Variants in ZNF431 observed in about 807,000 individuals in gnomAD.
ZNF431 encodes the protein zinc finger protein 431.
Under a neutral mutation model 57.0 loss-of-function variants are expected in ZNF431, and 34 were observed. The ratio of observed to expected loss-of-function variants is 0.60; its 90% CI spans 0.45 to 0.79. The LOEUF (loss-of-function observed/expected upper bound fraction) is 0.79. Among genes scored for constraint, ZNF431 ranks in the 30% least tolerant of loss-of-function variants. The probability of loss-of-function intolerance (pLI) is 0.00; values close to 1 mark genes in which losing one functional copy is unlikely to be tolerated. For synonymous variants in ZNF431, 207 were observed against 220.3 expected (o/e 0.94, Z 0.54); for missense variants, 607 against 667.1 (o/e 0.91, Z 0.99).
At chr19:21,142,258 G>A (rs939118634) in intron 1 of ZNF431, 72 bp downstream of exon 1, 2 of 1,605,746 alleles carry the variant, frequency 1.2e-6, no homozygotes, top group Non-Finnish European at 1.7e-6. Context: ...TGGCTGTGGC[G>A]GGACTCAGGC....
chr19:21,169,674 G>A, intron 4 of ZNF431: 1 of 396,510 alleles, frequency 2.5e-6, no homozygotes, highest in Middle Eastern at 6.3e-4. Flanking sequence ...TTGATCTGTA[G>A]GGCAGATACC....
At chr19:21,162,315 A>G (rs975656592) in intron 2 of ZNF431, among the ~76,000 whole-genome samples, 6 of 152,130 alleles carry the variant, frequency 3.9e-5, no homozygotes, top group African/African-American at 1.4e-4. Flanking sequence ...CTGGGATTAC[A>G]GGCACCTGCC....
intron 4 of ZNF431, among the ~76,000 whole-genome samples, chr19:21,178,433 GGC>G (rs1971118288): frequency 6.6e-6 from 1 of 151,958 alleles, no homozygotes; most frequent in Non-Finnish European, 1.5e-5. Flanking sequence ...CTTTTATATC[GGC>G]TATGGGTTTG....
chr19:21,158,110 A>G (rs1365773223), intron 2 of ZNF431, among the ~76,000 whole-genome samples: 1 of 152,124 alleles, frequency 6.6e-6, no homozygotes, highest in East Asian at 1.9e-4. Context: ...AAATTGGTAA[A>G]TGTCTTTGGG....
chr19:21,171,446 C>G lies in ZNF431; in HGVS notation c.319+3780C>G, dbSNP rs551144510. Among the ~76,000 whole-genome samples the G allele has an allele frequency of 8.9e-4, 135 of 151,906 alleles. No individual in the cohort carries two copies. In the Middle Eastern group the frequency reaches 0.01, roughly 11 times the overall value. On this transcript the variant is annotated intron_variant, in intron 4 of 4. Transcript: ENST00000311048. ...TTTAGTTTTTCTTATATAATTTTAG[C>G]CAATTTGCAATTCTGTTTGTATACT...
In ZNF431 at chr19:21,182,694, C is replaced by T. The variant is rs769809322; in HGVS notation, c.391C>T (p.Leu131=). 1.9e-6 allele frequency: 3 copies of T among 1,613,770 alleles called. No homozygotes were observed. Among genetic ancestry groups the T allele is most frequent in the Middle Eastern group, 1.7e-4 (1 of 6,058 alleles). The change falls in exon 5 of 5, where the codon CTG becomes TTG. Residue 131 remains leucine, a synonymous_variant. Coordinates refer to ENST00000311048, the MANE Select transcript of ZNF431 (RefSeq NM_133473.4). ...DIKDSFQQVI[L]RRYGKCEHEN... ...AAAAGATTCTTTTCAACAAGTAATA[C>T]TGAGAAGATATGGCAAATGTGAACA...
At chr19:21,175,500 T>C (rs566613795) in intron 4 of ZNF431, 142 of 691,988 alleles carry the variant, frequency 2.1e-4, no homozygotes, top group Admixed American at 6.4e-4. Context: ...AAATGTGTGC[T>C]GTGGTGGTTT....
rs1450099949 is a variant in ZNF431, at chr19:21,182,672, A to C, written c.369A>C (p.Lys123Asn). 1 of 1,612,816 alleles carries C rather than the reference A, an allele frequency of 6.2e-7. No individual in the cohort carries two copies. The highest frequency in any genetic ancestry group is 2.2e-5 in the East Asian group (1 of 44,814). ...ACCTTTGGCCAGAGCAAGACATAAA[A>C]GATTCTTTTCAACAAGTAATACTGA... Reference protein sequence around the residue: ...TKDLWPEQDIKDSFQQVILRR... With the variant: ...TKDLWPEQDINDSFQQVILRR... The change falls in exon 5 of 5, where the codon AAA (lysine) becomes AAC (asparagine). Residue 123 changes from lysine (K) to asparagine (N), a missense_variant. Physicochemically the swap from Lys to Asn is moderately conservative, Grantham distance 94 (BLOSUM62 0). Transcript: ENST00000311048.
At chr19:21,180,604 G>A (rs1451241104) in intron 4 of ZNF431, among the ~76,000 whole-genome samples, 1 of 151,890 alleles carries the variant, frequency 6.6e-6, no homozygotes, top group African/African-American at 2.4e-5. Context: ...GTTACCTTGG[G>A]GATTATATAA....
chr19:21,158,126 T>A (rs967966392), intron 2 of ZNF431, among the ~76,000 whole-genome samples: 1 of 152,164 alleles, frequency 6.6e-6, no homozygotes, highest in Non-Finnish European at 1.5e-5. Context: ...TTGGGCAGTT[T>A]GGCCATTTTA....
chr19:21,182,513 T>C (rs191648191), intron 4 of ZNF431, 110 bp from the exon 5 acceptor site: 1 of 1,243,384 alleles, frequency 8.0e-7, no homozygotes, highest in African/African-American at 1.5e-5. Flanking sequence ...GCCTATGGTA[T>C]TTTATTATGG....
At chr19:21,175,560 C>T (rs1407681184) in intron 4 of ZNF431, 7 of 569,888 alleles carry the variant, frequency 1.2e-5, no homozygotes, top group South Asian at 2.3e-5. Flanking sequence ...CATGCATTAG[C>T]TATTTATCCT....
At position 21,186,385 on chromosome 19, in the gene ZNF431, G is replaced by T. The variant is rs572050590; in HGVS notation, c.*2351G>T. On this transcript the variant is annotated 3_prime_UTR_variant, in exon 5 of 5. Coordinates refer to ENST00000311048, the MANE Select transcript of ZNF431 (RefSeq NM_133473.4). Reference sequence around the variant, plus strand: ...GACTTTTAGTTTTGATTCATATAGAGTTAAATACATGTTAGTCTAAAGACA... The same window carrying T: ...GACTTTTAGTTTTGATTCATATAGATTTAAATACATGTTAGTCTAAAGACA... 7.2e-5 allele frequency: 11 copies of T among 152,298 alleles called. No homozygotes were observed. The South Asian group carries it at 2.3e-3, about 32-fold the overall frequency. The allele number at this position is 152,298 out of a possible 1,614,324, so 9.4% of individuals were successfully genotyped here.
intron 4 of ZNF431, among the ~76,000 whole-genome samples, chr19:21,178,406 T>C (rs1458498284): frequency 6.6e-6 from 1 of 152,192 alleles, no homozygotes; most frequent in African/African-American, 2.4e-5. Flanking sequence ...TCAAGGGGAA[T>C]GCTTCCAGCT....
Position 21,158,068 on chromosome 19 carries a change from C to T in ZNF431, c.97-8267C>T, listed in dbSNP as rs573576346. 3.3e-5 allele frequency among the ~76,000 whole-genome samples: 5 copies of T among 152,064 alleles called. No homozygotes were observed. The South Asian group carries it at 6.2e-4, about 19-fold the overall frequency. ...TTTAAAATAGTTATTTTTTAGTTAACAGCGTTTTGGTAGTTTGATACAAAT... is the reference window on the plus strand; with the variant it reads ...TTTAAAATAGTTATTTTTTAGTTAATAGCGTTTTGGTAGTTTGATACAAAT... On this transcript the variant is annotated intron_variant, in intron 2 of 4. Transcript: ENST00000311048.
chr19:21,159,249 A>G (rs1378326116), intron 2 of ZNF431, among the ~76,000 whole-genome samples: 3 of 152,148 alleles, frequency 2.0e-5, no homozygotes, highest in African/African-American at 7.2e-5. Context: ...TTCAGTGTTC[A>G]TCAAGGATAT....
At position 21,189,481 on chromosome 19, in the gene ZNF431, A is replaced by G. The variant is rs1169185919; in HGVS notation, c.*5447A>G. 2 of 153,390 alleles carry G rather than the reference A, an allele frequency of 1.3e-5. No homozygotes were observed. Among genetic ancestry groups the G allele is most frequent in the African/African-American group, 4.8e-5 (2 of 41,456 alleles). The allele number at this position is 153,390 out of a possible 1,614,324, so 9.5% of individuals were successfully genotyped here. A position where few individuals can be genotyped will look rare whatever the true frequency, so the allele number is the denominator to read the frequency against. ...CTGGGGGACAGAGTGACTATCAAAA[A>G]AAAAAAAAACTTTACCTCATATGGT... On this transcript the variant is annotated 3_prime_UTR_variant, in exon 5 of 5. Coordinates refer to ENST00000311048, the MANE Select transcript of ZNF431 (RefSeq NM_133473.4).
rs1971463518 is a variant in ZNF431 at position 21,189,596 on chromosome 19, A to C, written c.*5562A>C. 1 of 288,732 alleles carries C rather than the reference A, an allele frequency of 3.5e-6. No individual in the cohort carries two copies. The highest frequency in any genetic ancestry group is 6.3e-6 in the Non-Finnish European group (1 of 157,718). The allele number at this position is 288,732 out of a possible 1,614,324, so 17.9% of individuals were successfully genotyped here. A position where few individuals can be genotyped will look rare whatever the true frequency, so the allele number is the denominator to read the frequency against. On this transcript the variant is annotated 3_prime_UTR_variant, in exon 5 of 5. Coordinates refer to ENST00000311048, the MANE Select transcript of ZNF431 (RefSeq NM_133473.4). ...ATGAACTATAGTCACCATGTTGTGC[A>C]ATAAATCTCTTGAACTTATTTCTTC... is the stretch of plus-strand genomic sequence containing the variant.
chr19:21,149,539 A>C (rs944006635), intron 2 of ZNF431: 1 of 202,382 alleles, frequency 4.9e-6, no homozygotes, highest in South Asian at 9.3e-5. Context: ...ACAAAGACAG[A>C]AGATTCAGTA....
Sources: allele counts gnomAD v4.1 joint callset (sites outside exome capture counted in the v4.1 genomes callset), GRCh38; gene constraint gnomAD v4.1.1; transcripts MANE v1.5; gene names NCBI Gene and HGNC (gene_info 2026-07-23, HGNC 2026-07-21).